The following TRPC5 variants were observed in gnomAD, a reference collection of about 807,000 sequenced individuals.
The protein encoded by TRPC5 is short transient receptor potential channel 5.
In TRPC5, 9 loss-of-function variants were observed where a neutral mutation model predicts 56.5. That is an observed-to-expected ratio of 0.16 (90% CI 0.10 to 0.28). The LOEUF is 0.28. Ranked by LOEUF, TRPC5 falls within the 10% of genes least tolerant of loss-of-function variation. The probability of loss-of-function intolerance (pLI) is 1.00; values close to 1 mark genes in which losing one functional copy is unlikely to be tolerated. For synonymous variants in TRPC5, 282 were observed against 278.5 expected, an observed-to-expected ratio of 1.01 and a Z score of -0.13; for missense variants, 469 against 748.9, an observed-to-expected ratio of 0.63 and a Z score of 4.36.
At chrX:111,996,527 C>T (rs1009250397) in intron 1 of TRPC5, among the ~76,000 whole-genome samples, 1 of 111,442 alleles carries the variant, frequency 9.0e-6, no homozygotes, top group African/African-American at 3.3e-5. Flanking sequence ...GAGTTCAGGC[C>T]CTGGATATCC....
At chrX:111,871,321 AT>A (rs57494463) in intron 3 of TRPC5, among the ~76,000 whole-genome samples, 5,948 of 104,360 alleles carry the variant, frequency 0.057, 344 homozygotes, top group African/African-American at 0.17. Context: ...ATTTTCATGC[AT>A]TTTTTTTTTT....
At chrX:111,977,225 C>T (rs188534254) in intron 1 of TRPC5, among the ~76,000 whole-genome samples, 123 of 111,511 alleles carry the variant, frequency 1.1e-3, no homozygotes, top group Non-Finnish European at 1.7e-3. Flanking sequence ...CATCATATTT[C>T]CTGACTCTAA....
chrX:111,980,982 T>A (rs1388107367), intron 1 of TRPC5, among the ~76,000 whole-genome samples: 1 of 107,365 alleles, frequency 9.3e-6, no homozygotes, highest in Non-Finnish European at 1.9e-5. Context: ...CATAAATTTA[T>A]ATGTATATGT....
At chrX:111,840,605 G>C (rs1057362475) in intron 6 of TRPC5, among the ~76,000 whole-genome samples, 17 of 111,713 alleles carry the variant, frequency 1.5e-4, no homozygotes, top group African/African-American at 5.5e-4. Context: ...CTATAAAGTA[G>C]AGACTATTGT....
chrX:111,841,907 C>G (rs756412018), intron 6 of TRPC5, among the ~76,000 whole-genome samples: 4 of 107,530 alleles, frequency 3.7e-5, no homozygotes, highest in African/African-American at 1.4e-4. Context: ...GACGGGATTT[C>G]GCCATGTTGG....
chrX:111,795,532 A>T (rs931387892), intron 7 of TRPC5, among the ~76,000 whole-genome samples: 4 of 110,935 alleles, frequency 3.6e-5, no homozygotes, highest in African/African-American at 9.8e-5. Context: ...TATTTTGTAT[A>T]TGTCATCACA....
chrX:111,799,864 T>A (rs991902154), intron 7 of TRPC5, among the ~76,000 whole-genome samples: 57 of 111,771 alleles, frequency 5.1e-4, no homozygotes, highest in African/African-American at 1.8e-3. Flanking sequence ...TAACTGAAGA[T>A]CACTTGACGG....
chrX:111,843,890 G>A (rs189293493), intron 6 of TRPC5, among the ~76,000 whole-genome samples: 1 of 102,323 alleles, frequency 9.8e-6, no homozygotes, highest in African/African-American at 3.9e-5. Flanking sequence ...GTGTGTGTGT[G>A]TGTGTGTGTG....
In TRPC5 at chrX:111,773,428, T is replaced by C. The variant is rs1307031125; in HGVS notation, c.*2885A>G. Among the ~76,000 whole-genome samples the C allele has an allele frequency of 8.9e-6, 1 of 111,864 alleles. No homozygotes were observed. Among genetic ancestry groups the C allele is most frequent in the Non-Finnish European group, 1.9e-5 (1 of 53,162 alleles). On this transcript the variant is annotated 3_prime_UTR_variant, in exon 11 of 11. Transcript: ENST00000262839. ...ACTGTAATGTAGGTGGAACATGATA[T>C]GGATATTTTAGATAAGTAGTAAATG...
intron 3 of TRPC5, among the ~76,000 whole-genome samples, chrX:111,892,297 G>A (rs1924843038): frequency 8.9e-6 from 1 of 112,339 alleles, no homozygotes; most frequent in South Asian, 3.7e-4. Flanking sequence ...TTGAAACTTT[G>A]GGTTGGTTTG....
chrX:111,841,393 C>T (rs1922725857), intron 6 of TRPC5, among the ~76,000 whole-genome samples: 1 of 111,795 alleles, frequency 8.9e-6, no homozygotes, highest in Non-Finnish European at 1.9e-5. Flanking sequence ...AGATTGAAAT[C>T]CTGTCTTTGC....
intron 1 of TRPC5, among the ~76,000 whole-genome samples, chrX:111,984,637 C>T (rs901450546): frequency 1.8e-5 from 2 of 111,750 alleles, no homozygotes; most frequent in African/African-American, 6.5e-5. Context: ...AGAATAGTTG[C>T]TACTTTTTGT....
intron 2 of TRPC5, among the ~76,000 whole-genome samples, chrX:111,926,857 GT>G (rs921251695): frequency 8.9e-6 from 1 of 112,276 alleles, no homozygotes; most frequent in African/African-American, 3.2e-5. Context: ...ACTCAAGGTG[GT>G]CAGGTGGGAT....
chrX:112,001,380 G>A (rs752734475), intron 1 of TRPC5, among the ~76,000 whole-genome samples: 4 of 112,107 alleles, frequency 3.6e-5, no homozygotes, highest in African/African-American at 1.3e-4. Context: ...TACATTATTG[G>A]GTTGTAGTGA....
At chrX:111,953,537 G>C (rs1000752307) in intron 1 of TRPC5, among the ~76,000 whole-genome samples, 27 of 111,748 alleles carry the variant, frequency 2.4e-4, no homozygotes, top group African/African-American at 8.8e-4. Flanking sequence ...TCTTCTCCAA[G>C]GGAGAAAATG....
intron 1 of TRPC5, among the ~76,000 whole-genome samples, chrX:111,964,110 A>G (rs1332144985): frequency 8.9e-6 from 1 of 112,038 alleles, no homozygotes; most frequent in African/African-American, 3.2e-5. Flanking sequence ...TAGAATAACC[A>G]ATGCAGAGAA....
chrX:111,898,551 A>G (rs189802597), intron 3 of TRPC5, among the ~76,000 whole-genome samples: 5 of 109,593 alleles, frequency 4.6e-5, no homozygotes, highest in Admixed American at 3.9e-4. Context: ...CTTTTTTTCA[A>G]AGACACTTAC....
intron 3 of TRPC5, among the ~76,000 whole-genome samples, chrX:111,899,982 A>T (rs1925259435): frequency 9.1e-6 from 1 of 110,475 alleles, no homozygotes; most frequent in Non-Finnish European, 1.9e-5. Context: ...GACAAACCCC[A>T]TGTGTACTGG....
intron 1 of TRPC5, among the ~76,000 whole-genome samples, chrX:112,012,368 C>CT (rs372261649): frequency 1.6e-4 from 18 of 110,292 alleles, no homozygotes; most frequent in African/African-American, 4.6e-4. Flanking sequence ...TGTCAAGTCT[C>CT]TTTTTTTTTC....
Sources: gnomAD v4.1 joint callset for allele counts (sites outside exome capture counted in the v4.1 genomes callset) on GRCh38, gnomAD v4.1.1 for gene constraint, MANE v1.5 for transcripts, NCBI Gene and HGNC (gene_info 2026-07-23, HGNC 2026-07-21) for gene names.